CHRNA1: variants seen among roughly 807,000 people sequenced by gnomAD.
CHRNA1 encodes cholinergic receptor nicotinic alpha 1 subunit, also known as acetylcholine receptor subunit alpha.
CHRNA1 carries 35 observed loss-of-function variants against 47.1 expected under a neutral mutation model. The ratio of observed to expected loss-of-function variants is 0.74; its 90% CI spans 0.57 to 0.99. The LOEUF is 0.99. CHRNA1 is among the 50% of genes least tolerant of loss of function. CHRNA1 has a pLI of 0.00. For synonymous variants in CHRNA1, 229 were observed against 223.6 expected (o/e 1.02, Z -0.22); for missense variants, 506 against 591.1 (o/e 0.86, Z 1.49).
chr2:174,754,167 C>A, intron 5 of CHRNA1, 52 bp downstream of exon 5: 4 of 1,559,278 alleles, frequency 2.6e-6, no homozygotes, highest in Non-Finnish European at 3.5e-6. Flanking sequence ...AGTTGGAGAC[C>A]CGAATCACAA....
At chr2:174,749,316 C>T (rs1683800641) in intron 7 of CHRNA1, among the ~76,000 whole-genome samples, 1 of 146,308 alleles carries the variant, frequency 6.8e-6, no homozygotes, top group African/African-American at 2.8e-5. Context: ...TCTTACTCTC[C>T]TCTTAAAAGA....
chr2:174,761,309 C>T (rs553750263), intron 1 of CHRNA1, among the ~76,000 whole-genome samples: 2 of 152,146 alleles, frequency 1.3e-5, no homozygotes, highest in African/African-American at 2.4e-5. Context: ...CTCCCCTTTC[C>T]GCAGGTTATT....
intron 3 of CHRNA1, among the ~76,000 whole-genome samples, chr2:174,758,278 A>G (rs897210210): frequency 2.0e-5 from 3 of 152,116 alleles, no homozygotes; most frequent in African/African-American, 4.8e-5. Context: ...GCGTGGTGGT[A>G]GGCGCCTGTA....
In CHRNA1 at chr2:174,760,423, A is replaced by G. The variant is rs574548517; in HGVS notation, c.44-790T>C. ...GGTACAACATGGATGGAGCTTGGAA[A>G]CATTTTACTAAGTGAAAGAAGCCAG... On this transcript the variant is annotated intron_variant, in intron 1 of 8. Transcript: ENST00000348749. Among the ~76,000 whole-genome samples the G allele has an allele frequency of 1.8e-4, 27 of 152,338 alleles. No individual in the cohort carries two copies. The South Asian group carries it at 3.7e-3, about 21-fold the overall frequency.
chr2:174,754,120 C>G, intron 5 of CHRNA1, 99 bp downstream of exon 5: 1 of 1,109,920 alleles, frequency 9.0e-7, no homozygotes, highest in Non-Finnish European at 1.4e-6. Context: ...TTCCTAAGTT[C>G]TAACTGGTAC....
chr2:174,764,190 T>C (rs1270945750), intron 1 of CHRNA1, among the ~76,000 whole-genome samples, 162 bp downstream of exon 1: 1 of 152,164 alleles, frequency 6.6e-6, no homozygotes, highest in Non-Finnish European at 1.5e-5. Context: ...ATCCAAAAAC[T>C]CAATCAAGCT....
At chr2:174,761,968 A>G (rs11903834) in intron 1 of CHRNA1, among the ~76,000 whole-genome samples, 3,906 of 152,300 alleles carry the variant, frequency 0.026, 184 homozygotes, top group African/African-American at 0.089. Context: ...AGAACATATT[A>G]GAAAGCAGAG....
chr2:174,764,200 T>G (rs1404052656), intron 1 of CHRNA1, 152 bp downstream of exon 1: 1 of 773,890 alleles, frequency 1.3e-6, no homozygotes, highest in Non-Finnish European at 2.2e-6. Context: ...TCAATCAAGC[T>G]AACATCAGGA....
At chr2:174,762,607 GA>G (rs1684120762) in intron 1 of CHRNA1, among the ~76,000 whole-genome samples, 3 of 152,220 alleles carry the variant, frequency 2.0e-5, no homozygotes, top group Non-Finnish European at 4.4e-5. Flanking sequence ...GAACAAGTTG[GA>G]AAGTGATATG....
At chr2:174,748,341 C>T (rs1559199978) in intron 8 of CHRNA1, 86 bp from the exon 9 acceptor site, 2 of 1,569,644 alleles carry the variant, frequency 1.3e-6, no homozygotes, top group Admixed American at 1.7e-5. Flanking sequence ...ACTATGGGCC[C>T]TTCAATTTGT....
rs1684154206 is a variant in CHRNA1, at chr2:174,764,427, G to T, written c.-33C>A. The T allele has an allele frequency of 6.2e-7, 1 of 1,606,136 alleles. No individual in the cohort carries two copies. Among genetic ancestry groups the T allele is most frequent in the East Asian group, 2.2e-5 (1 of 44,726 alleles). ...CGGAGCTTGTGTGGACCAGGGCAGA[G>T]TGGTGGCCTGTGCTTCTCACTGGCA... is the stretch of plus-strand genomic sequence containing the variant. On this transcript the variant is annotated 5_prime_UTR_variant, in exon 1 of 9. Transcript: ENST00000348749.
chr2:174,748,842 G>C, intron 7 of CHRNA1, 23 bp from the exon 8 acceptor site: 1 of 1,612,454 alleles, frequency 6.2e-7, no homozygotes. Flanking sequence ...AGAAATCCAT[G>C]CATGAGAATT....
rs754189390 is a variant in CHRNA1 at position 174,748,146 on chromosome 2, A to G, written c.1352T>C (p.Ile451Thr). 1.1e-5 allele frequency: 17 copies of G among 1,614,112 alleles called. No individual in the cohort carries two copies. The East Asian group carries it at 2.0e-4, about 19-fold the overall frequency. The change falls in exon 9 of 9, where the codon ATT becomes ACT. Residue 451 changes from isoleucine (I) to threonine (T), a missense_variant. By Grantham distance (89) the Ile-to-Thr change is moderately conservative. Transcript: ENST00000348749. ...GTLAVFAGRL[I>T]ELNQQG is the part of the protein sequence containing the mutation. ...TGCTCATCCTTGCTGATTTAATTCA[A>G]TGAGTCGACCTGCAAACACGGCTAG...
chr2:174,748,604 C>G lies in CHRNA1; in HGVS notation c.1218G>C (p.Met406Ile), dbSNP rs1474157325. Residue 406 changes from methionine to isoleucine, a missense_variant, in exon 8 of 9, where the codon ATG (methionine) becomes ATC (isoleucine). Transcript: ENST00000348749. ...CATTGTTAGACTCCTGGTCTGACTT[C>G]ATGGTCTCTGCGATGTACTTGATGC... is the stretch of plus-strand genomic sequence containing the variant. ...IEGIKYIAETMKSDQESNNAA... is the reference protein window; with the variant it reads ...IEGIKYIAETIKSDQESNNAA... 1 of 1,613,332 alleles carries G rather than the reference C, an allele frequency of 6.2e-7. No homozygotes were observed. The highest frequency in any genetic ancestry group is 1.1e-5 in the South Asian group (1 of 91,058).
chr2:174,748,253 C>T lies in CHRNA1; in HGVS notation c.1245G>A (p.Ala415=), dbSNP rs372181669. 2.8e-5 allele frequency: 45 copies of T among 1,613,962 alleles called. No individual in the cohort carries two copies. The highest frequency in any genetic ancestry group is 3.1e-5 in the Non-Finnish European group (37 of 1,180,050). ...TTGCAACGTACTTCCACTCTGCCGCCGCCTGGGAGAGAGGAAAATGTTAGA... is the reference window on the plus strand; with the variant it reads ...TTGCAACGTACTTCCACTCTGCCGCTGCCTGGGAGAGAGGAAAATGTTAGA... ...TMKSDQESNN[A]AAEWKYVAMV... Residue 415 remains alanine (A), a splice_region_variant and synonymous_variant, in exon 9 of 9, where the codon GCG becomes GCA. Transcript: ENST00000348749.
At chr2:174,761,520 G>T (rs1558915668) in intron 1 of CHRNA1, among the ~76,000 whole-genome samples, 1 of 152,082 alleles carries the variant, frequency 6.6e-6, no homozygotes, top group Non-Finnish European at 1.5e-5. Flanking sequence ...TTGCCACATT[G>T]TTCAGGCTGG....
intron 8 of CHRNA1, 134 bp downstream of exon 8, chr2:174,748,446 C>T (rs1177197950): frequency 1.3e-5 from 18 of 1,393,022 alleles, no homozygotes; most frequent in Non-Finnish European, 1.5e-5. Flanking sequence ...GGTCTAGAGG[C>T]GGTCACCAGG....
chr2:174,752,069 A>G (rs1683865573), intron 6 of CHRNA1, among the ~76,000 whole-genome samples: 1 of 151,308 alleles, frequency 6.6e-6, no homozygotes, highest in South Asian at 2.1e-4. Context: ...TATTTTAAAA[A>G]GTTTCATTTG....
chr2:174,755,865 C>T (rs1683972693), intron 4 of CHRNA1, among the ~76,000 whole-genome samples: 2 of 152,116 alleles, frequency 1.3e-5, no homozygotes, highest in African/African-American at 2.4e-5. Context: ...GAGACCTCAT[C>T]TCTACTAAAT....
Sources: allele counts gnomAD v4.1 joint callset (sites outside exome capture counted in the v4.1 genomes callset), GRCh38; gene constraint gnomAD v4.1.1; transcripts MANE v1.5; gene names NCBI Gene and HGNC (gene_info 2026-07-23, HGNC 2026-07-21).